Variants in ZNF430 observed in about 807,000 individuals in gnomAD.
ZNF430 encodes the protein zinc finger protein 430.
ZNF430 carries 35 observed loss-of-function variants against 56.7 expected under a neutral mutation model. The ratio of observed to expected loss-of-function variants is 0.62; its 90% CI spans 0.47 to 0.82. The LOEUF (loss-of-function observed/expected upper bound fraction) is 0.82. Ranked by LOEUF, ZNF430 falls within the 40% of genes least tolerant of loss-of-function variation. The pLI is 0.00. For missense variants in ZNF430, 574 were observed against 661.0 expected (o/e 0.87, Z 1.44); for synonymous variants, 212 against 224.3 (o/e 0.94, Z 0.49).
chr19:21,025,778 T>TCC, intron 2 of ZNF430: 1 of 165,678 alleles, frequency 6.0e-6, no homozygotes, highest in Non-Finnish European at 1.3e-5. Context: ...TTTTTTTTTT[T>TCC]TTCAGTCCAA....
intron 1 of ZNF430, among the ~76,000 whole-genome samples, chr19:21,021,964 A>G (rs1967697589): frequency 6.7e-6 from 1 of 150,148 alleles, no homozygotes; most frequent in Non-Finnish European, 1.5e-5. Context: ...CAGCCTTTTG[A>G]GTAGCTGGAA....
chr19:21,028,664 C>CTG lies in ZNF430; in HGVS notation c.97-4781_97-4780dup, dbSNP rs200606636. Among the ~76,000 whole-genome samples the CTG allele has an allele frequency of 5.1e-3, 769 of 152,026 alleles. 9 individuals carry two copies. The highest frequency in any genetic ancestry group is 0.017 in the African/African-American group (724 of 41,466). ...CTTGGTGTAAGAGAAATGAGTCATTCTGTGTGTGTGTGGTTTTTTTAGGGT... is the reference window on the plus strand; with the variant it reads ...CTTGGTGTAAGAGAAATGAGTCATTCTGTGTGTGTGTGTGGTTTTTTTAGGGT... On this transcript the variant is annotated intron_variant, in intron 2 of 4. Coordinates refer to ENST00000261560, the MANE Select transcript of ZNF430 (RefSeq NM_025189.4).
At chr19:21,052,231 C>T (rs925831679) in intron 4 of ZNF430, among the ~76,000 whole-genome samples, 1 of 151,692 alleles carries the variant, frequency 6.6e-6, no homozygotes, top group Non-Finnish European at 1.5e-5. Flanking sequence ...TCTTTTTTTG[C>T]CTACCAGGTG....
intron 4 of ZNF430, among the ~76,000 whole-genome samples, chr19:21,045,087 G>T (rs1422602975): frequency 6.6e-6 from 1 of 151,992 alleles, no homozygotes; most frequent in Non-Finnish European, 1.5e-5. Context: ...GTTTCACTTG[G>T]ATTCTTCTTA....
chr19:21,055,644 G>A (rs891233085), intron 4 of ZNF430, among the ~76,000 whole-genome samples: 14 of 152,034 alleles, frequency 9.2e-5, no homozygotes, highest in African/African-American at 3.4e-4. Context: ...AGTAGAGATG[G>A]AGTTTCACCA....
intron 4 of ZNF430, among the ~76,000 whole-genome samples, chr19:21,047,812 C>G (rs1968206633): frequency 6.6e-6 from 1 of 152,144 alleles, no homozygotes; most frequent in Non-Finnish European, 1.5e-5. Flanking sequence ...CTCACCCAGT[C>G]AGGATGCATG....
chr19:21,039,220 A>T (rs1261003098), intron 4 of ZNF430, among the ~76,000 whole-genome samples: 1 of 152,088 alleles, frequency 6.6e-6, no homozygotes, highest in Admixed American at 6.6e-5. Context: ...AAGTGCTGGG[A>T]TTACGGGCAT....
chr19:21,028,587 G>A (rs1405616809), intron 2 of ZNF430, among the ~76,000 whole-genome samples: 1 of 152,236 alleles, frequency 6.6e-6, no homozygotes, highest in Non-Finnish European at 1.5e-5. Flanking sequence ...ATTTGAGGAT[G>A]TCCAGGGCAG....
At position 21,058,018 on chromosome 19, in the gene ZNF430, G is replaced by A; in HGVS notation, c.1710G>A (p.Met570Ile). Residue 570 changes from methionine (M) to isoleucine (I), a missense_variant, in exon 5 of 5, where the codon ATG becomes ATA. Physicochemically the swap from Met to Ile is conservative, Grantham distance 10. Transcript: ENST00000261560. ...SNSYWRETLQ[M>I] ...CATACTGGAGAGAAACCCTACAAATGTGAAGATTGTGGCAAAGCCTCTAAC... is the reference window on the plus strand; with the variant it reads ...CATACTGGAGAGAAACCCTACAAATATGAAGATTGTGGCAAAGCCTCTAAC... 6.2e-7 allele frequency: 1 copy of A among 1,610,206 alleles called. No homozygotes were observed. Among genetic ancestry groups the A allele is most frequent in the Non-Finnish European group, 8.5e-7 (1 of 1,178,546 alleles).
At chr19:21,056,439 A>C (rs1393653822) in intron 4 of ZNF430, among the ~76,000 whole-genome samples, 192 bp from the exon 5 acceptor site, 1 of 151,694 alleles carries the variant, frequency 6.6e-6, no homozygotes, top group East Asian at 1.9e-4. Flanking sequence ...CAGTGAGCAG[A>C]GATCACGCCA....
At chr19:21,049,713 T>TAACATTTCTTGTTACATTTCGTGC (rs1968251182) in intron 4 of ZNF430, 2 of 151,536 alleles carry the variant, frequency 1.3e-5, no homozygotes, top group Non-Finnish European at 2.9e-5. Flanking sequence ...ACATTTCGTG[T>TAACATTTCTTGTTACATTTCGTGC]AACATTTCTT....
chr19:21,029,906 A>C (rs1392380798), intron 2 of ZNF430, among the ~76,000 whole-genome samples: 2 of 151,848 alleles, frequency 1.3e-5, no homozygotes, highest in Non-Finnish European at 2.9e-5. Context: ...CGGAGGTTGC[A>C]TTGAGCCAAG....
chr19:21,022,453 A>C (rs1037365046), intron 1 of ZNF430, among the ~76,000 whole-genome samples: 1 of 152,180 alleles, frequency 6.6e-6, no homozygotes, highest in African/African-American at 2.4e-5. Flanking sequence ...TTTTCTGACA[A>C]AGTATTAAAT....
chr19:21,058,108 A>C lies in ZNF430; in HGVS notation c.*87A>C, dbSNP rs772007854. The C allele has an allele frequency of 7.9e-7, 1 of 1,262,642 alleles. No individual in the cohort carries two copies. The highest frequency in any genetic ancestry group is 2.6e-5 in the Admixed American group (1 of 38,810). The allele number at this position is 1,262,642 out of a possible 1,614,324, so 78.2% of individuals were successfully genotyped here. On this transcript the variant is annotated 3_prime_UTR_variant, in exon 5 of 5. Coordinates refer to ENST00000261560, the MANE Select transcript of ZNF430 (RefSeq NM_025189.4). The stretch of plus-strand genomic sequence containing the variant: ...GAAGAGGAACCCTATGAGTGTGAAG[A>C]ATATGGCAAAGCCTTCAACAAGTCC...
At chr19:21,034,038 G>A in intron 3 of ZNF430, 48 bp from the exon 4 acceptor site, 1 of 1,460,456 alleles carries the variant, frequency 6.8e-7, no homozygotes, top group Non-Finnish European at 9.6e-7. Flanking sequence ...TACTAGGTTG[G>A]TAACTGAAGA....
Position 21,057,048 on chromosome 19 carries a change from C to T in ZNF430, c.740C>T (p.Thr247Ile). Reference protein sequence around the residue: ...ECGKVFNWFSTLTRHRRIHTG... With the variant: ...ECGKVFNWFSILTRHRRIHTG... ...GGTAAAGTCTTTAACTGGTTCTCAA[C>T]CCTTACTAGACACAGAAGAATTCAT... The change falls in exon 5 of 5, where the codon ACC (threonine) becomes ATC (isoleucine). Residue 247 changes from threonine (T) to isoleucine (I), a missense_variant. Coordinates refer to ENST00000261560, the MANE Select transcript of ZNF430 (RefSeq NM_025189.4). 2 of 1,614,002 alleles carry T rather than the reference C, an allele frequency of 1.2e-6. No homozygotes were observed. The highest frequency in any genetic ancestry group is 8.5e-7 in the Non-Finnish European group (1 of 1,179,998).
At chr19:21,026,827 CTTTTTTTT>C (rs747809260) in intron 2 of ZNF430, among the ~76,000 whole-genome samples, 8 of 68,716 alleles carry the variant, frequency 1.2e-4, no homozygotes, top group African/African-American at 3.9e-4. Context: ...CTTTTCTTTT[CTTTTTTTT>C]TTTTTTTTTT....
At chr19:21,037,838 G>A (rs548702187) in intron 4 of ZNF430, among the ~76,000 whole-genome samples, 5 of 152,068 alleles carry the variant, frequency 3.3e-5, no homozygotes, top group Admixed American at 2.6e-4. Context: ...TATTAATTTT[G>A]CATGTCATTT....
intron 4 of ZNF430, among the ~76,000 whole-genome samples, chr19:21,053,803 GTTATT>G (rs927004810): frequency 3.3e-5 from 5 of 152,086 alleles, no homozygotes; most frequent in Admixed American, 6.5e-5. Context: ...AGACATTAAT[GTTATT>G]TTATTGTTGT....
Sources: allele counts gnomAD v4.1 joint callset (sites outside exome capture counted in the v4.1 genomes callset), GRCh38; gene constraint gnomAD v4.1.1; transcripts MANE v1.5; gene names NCBI Gene and HGNC (gene_info 2026-07-23, HGNC 2026-07-21).